CMTM4: variants seen among roughly 807,000 people sequenced by gnomAD.
CMTM4 encodes the protein CKLF-like MARVEL transmembrane domain-containing protein 4.
A neutral mutation model predicts 19.0 loss-of-function variants in CMTM4; 8 were observed. The observed-to-expected ratio is 0.42, with a 90% CI of 0.25 to 0.76. CMTM4 has a LOEUF of 0.76. Among genes scored for constraint, CMTM4 ranks in the 30% least tolerant of loss-of-function variants. The pLI, the probability that CMTM4 is intolerant of heterozygous loss-of-function variation, is 0.27. For missense variants in CMTM4, 228 were observed against 290.2 expected, an observed-to-expected ratio of 0.79 and a Z score of 1.56; for synonymous variants, 106 against 121.1, an observed-to-expected ratio of 0.88 and a Z score of 0.82.
At chr16:66,609,889 G>C (rs1393424584), downstream of CMTM4, 68 of 1,614,042 alleles carry the variant, frequency 4.2e-5, 1 homozygote, top group East Asian at 1.5e-3. This position sits in a 1 kb window ranked among gnomAD's most constrained non-coding sequence, Gnocchi z 4.4. Flanking sequence ...ACAGGTGTTT[G>C]GCTTCTTTGC....
intron 1 of CMTM4, among the ~76,000 whole-genome samples, chr16:66,689,620 T>C (rs1309394949): frequency 6.6e-6 from 1 of 152,134 alleles, no homozygotes; most frequent in Non-Finnish European, 1.5e-5. Flanking sequence ...TTGCCCAGGC[T>C]GGTCTTGAAC....
At chr16:66,683,976 G>T (rs886406540) in intron 1 of CMTM4, among the ~76,000 whole-genome samples, 1 of 152,132 alleles carries the variant, frequency 6.6e-6, no homozygotes, top group Admixed American at 6.5e-5. Context: ...AACCCTGAGT[G>T]CAAAGACGAA....
chr16:66,668,158 C>G (rs1459857187), intron 1 of CMTM4, among the ~76,000 whole-genome samples: 5 of 149,060 alleles, frequency 3.4e-5, no homozygotes, highest in African/African-American at 1.0e-4. Flanking sequence ...ACACCACCAA[C>G]AGAGCTATTT....
At chr16:66,688,671 T>C (rs2017081054) in intron 1 of CMTM4, among the ~76,000 whole-genome samples, 1 of 152,162 alleles carries the variant, frequency 6.6e-6, no homozygotes, top group Non-Finnish European at 1.5e-5. Context: ...CATTCTTCTA[T>C]CTACAAAAAA....
intron 1 of CMTM4, among the ~76,000 whole-genome samples, chr16:66,637,400 C>T (rs925337550): frequency 2.8e-4 from 42 of 152,034 alleles, no homozygotes; most frequent in African/African-American, 8.4e-4. Context: ...CAAAATCAGC[C>T]GGGTGTGGTG....
the CMTM4 span, chr16:66,605,344 G>A: frequency 2.5e-5 from 4 of 161,774 alleles, no homozygotes; most frequent in Non-Finnish European, 5.4e-5. The surrounding 1 kb of genome is among the most constrained non-coding windows in gnomAD (Gnocchi z 4.6). Flanking sequence ...CGAGCGGGTA[G>A]TGCGGGCCGG....
intron 1 of CMTM4, among the ~76,000 whole-genome samples, chr16:66,694,994 T>C (rs1464501430): frequency 6.6e-6 from 1 of 152,162 alleles, no homozygotes; most frequent in African/African-American, 2.4e-5. Flanking sequence ...AGGACATTTA[T>C]TTAAAGGGTA....
intron 1 of CMTM4, among the ~76,000 whole-genome samples, chr16:66,655,223 G>A (rs2016377121): frequency 6.6e-6 from 1 of 151,976 alleles, no homozygotes; most frequent in South Asian, 2.1e-4. Context: ...CACCTGCCTC[G>A]GCCTCCCAAA....
chr16:66,612,391 A>C (rs551933442), downstream of CMTM4, among the ~76,000 whole-genome samples: 1 of 152,052 alleles, frequency 6.6e-6, no homozygotes, highest in South Asian at 2.1e-4. This position sits in a 1 kb window ranked among gnomAD's most constrained non-coding sequence, Gnocchi z 6.0. Context: ...AAAAACAACA[A>C]CAAAAAAAAA....
At chr16:66,611,768 C>CA (rs1166801856), downstream of CMTM4, among the ~76,000 whole-genome samples, 3 of 152,076 alleles carry the variant, frequency 2.0e-5, no homozygotes, top group Non-Finnish European at 4.4e-5. Flanking sequence ...ATTTCAGGAA[C>CA]CCTCGAGGTA....
At position 66,696,623 on chromosome 16, in the gene CMTM4, G is replaced by GCCGCCGCCC; in HGVS notation, c.-107_-99dup. On this transcript the variant is annotated 5_prime_UTR_variant, in exon 1 of 4. Coordinates refer to ENST00000394106, the MANE Select transcript of CMTM4 (RefSeq NM_181521.3). The surrounding 1 kb of genome is among the most constrained non-coding windows in gnomAD (Gnocchi z 4.3). The stretch of plus-strand genomic sequence containing the variant: ...CCGCATCGCCGCCGCCGCCGCCGCC[G>GCCGCCGCCC]CCGCCGCCCGACTGACTGCCCGCGG... 1 of 701,578 alleles carries GCCGCCGCCC rather than the reference G, an allele frequency of 1.4e-6. No individual in the cohort carries two copies. Among genetic ancestry groups the GCCGCCGCCC allele is most frequent in the Non-Finnish European group, 1.7e-6 (1 of 572,814 alleles). The allele number at this position is 701,578 out of a possible 1,614,324, so 43.5% of individuals were successfully genotyped here.
rs974463229 is a variant in CMTM4 at position 66,660,196 on chromosome 16, C to T, written c.187-23615G>A. 3.3e-5 allele frequency among the ~76,000 whole-genome samples: 5 copies of T among 151,758 alleles called. No homozygotes were observed. In the South Asian group the frequency reaches 8.4e-4, roughly 25 times the overall value. ...TGAGCCCAGGAGTTGGAGACCAGCC[C>T]GGGCAATCTAGTGAGACTCCATCTC... On this transcript the variant is annotated intron_variant, in intron 1 of 3. Coordinates refer to ENST00000394106, the MANE Select transcript of CMTM4 (RefSeq NM_181521.3).
At chr16:66,609,419 G>A in the CMTM4 span, 1 of 1,607,972 alleles carries the variant, frequency 6.2e-7, no homozygotes, top group Non-Finnish European at 8.5e-7. This position sits in a 1 kb window ranked among gnomAD's most constrained non-coding sequence, Gnocchi z 4.4. Flanking sequence ...AGGGCAGCAT[G>A]CCCCTCTCTC....
chr16:66,603,380 C>A, the CMTM4 span, among the ~76,000 whole-genome samples: 4 of 151,970 alleles, frequency 2.6e-5, no homozygotes, highest in African/African-American at 9.7e-5. Flanking sequence ...CTATGCCTCC[C>A]GGGTTCAAGC....
chr16:66,672,713 G>T (rs566860132), intron 1 of CMTM4, among the ~76,000 whole-genome samples: 1 of 151,706 alleles, frequency 6.6e-6, no homozygotes, highest in Admixed American at 6.6e-5. Flanking sequence ...CGGTTCAAGC[G>T]ATTCTCCTGC....
At chr16:66,687,900 G>A (rs1440283356) in intron 1 of CMTM4, among the ~76,000 whole-genome samples, 1 of 151,992 alleles carries the variant, frequency 6.6e-6, no homozygotes, top group Non-Finnish European at 1.5e-5. Context: ...TGTTAGCCAG[G>A]ATGGTCTTGA....
At position 66,620,108 on chromosome 16, in the gene CMTM4, TG is replaced by T. The variant is rs369413886; in HGVS notation, c.*1949del. On this transcript the variant is annotated 3_prime_UTR_variant, in exon 4 of 4. Coordinates refer to ENST00000394106, the MANE Select transcript of CMTM4 (RefSeq NM_181521.3). ...ATCTCACTTCAAAGATGGCCTTTTT[TG>T]GGGGCCAAGTAACATGATTCCCAGC... 73 of 985,452 alleles carry T rather than the reference TG, an allele frequency of 7.4e-5. No individual in the cohort carries two copies. In the East Asian group the frequency reaches 3.6e-3, roughly 49 times the overall value. The allele number at this position is 985,452 out of a possible 1,614,324, so 61.0% of individuals were successfully genotyped here. A position where few individuals can be genotyped will look rare whatever the true frequency, so the allele number is the denominator to read the frequency against.
Position 66,620,007 on chromosome 16 carries a change from A to T in CMTM4, c.*2051T>A. On this transcript the variant is annotated 3_prime_UTR_variant, in exon 4 of 4. Transcript: ENST00000394106. ...ACCACCTGCCCCCCTCTTTCACCAG[A>T]TGATCAAGTGGTTTTACTGAAGTGA... 1 of 985,386 alleles carries T rather than the reference A, an allele frequency of 1.0e-6. No homozygotes were observed. Among genetic ancestry groups the T allele is most frequent in the Non-Finnish European group, 1.2e-6 (1 of 829,912 alleles). The allele number at this position is 985,386 out of a possible 1,614,324, so 61.0% of individuals were successfully genotyped here. A position where few individuals can be genotyped will look rare whatever the true frequency, so the allele number is the denominator to read the frequency against.
chr16:66,612,507 C>T, downstream of CMTM4: 1 of 1,241,648 alleles, frequency 8.1e-7, no homozygotes, highest in Non-Finnish European at 1.2e-6. The surrounding 1 kb of genome is among the most constrained non-coding windows in gnomAD (Gnocchi z 6.0). Flanking sequence ...GAGGCCTGCA[C>T]CCAGGCTCCT....
Sources: gnomAD v4.1 joint callset for allele counts (sites outside exome capture counted in the v4.1 genomes callset) on GRCh38, gnomAD v4.1.1 for gene constraint, Gnocchi (gnomAD v3.1) non-coding constraint, MANE v1.5 for transcripts, NCBI Gene and HGNC (gene_info 2026-07-23, HGNC 2026-07-21) for gene names.